CDK19: variants seen among roughly 807,000 people sequenced by gnomAD.
CDK19 encodes the protein cyclin-dependent kinase 19.
A neutral mutation model predicts 68.3 loss-of-function variants in CDK19; 20 were observed. The observed-to-expected ratio is 0.29, with a 90% CI of 0.21 to 0.43. The LOEUF is 0.43. CDK19 is among the 20% of genes least tolerant of loss of function. The probability of loss-of-function intolerance (pLI) is 1.00; values close to 1 mark genes in which losing one functional copy is unlikely to be tolerated. For missense variants in CDK19, 339 were observed against 623.5 expected, an observed-to-expected ratio of 0.54 and a Z score of 4.86; for synonymous variants, 221 against 222.8, an observed-to-expected ratio of 0.99 and a Z score of 0.07.
chr6:110,790,246 G>A (rs1781496742), intron 1 of CDK19, among the ~76,000 whole-genome samples: 2 of 151,982 alleles, frequency 1.3e-5, no homozygotes. Flanking sequence ...TAATTATATA[G>A]GTTCTTAGGC....
intron 6 of CDK19, among the ~76,000 whole-genome samples, chr6:110,629,254 T>C (rs1349020111): frequency 1.3e-5 from 2 of 152,190 alleles, no homozygotes; most frequent in Non-Finnish European, 2.9e-5. Context: ...TGCCTCATAT[T>C]AGCCTATAAT....
intron 1 of CDK19, among the ~76,000 whole-genome samples, chr6:110,777,660 G>A (rs1278950123): frequency 2.6e-5 from 4 of 152,108 alleles, no homozygotes; most frequent in Non-Finnish European, 5.9e-5. Context: ...TCAAAAGAAC[G>A]AAAAGCAGGG....
In CDK19 at chr6:110,622,108, G is replaced by T. The variant is rs1392285893; in HGVS notation, c.1090C>A (p.Pro364Thr). ...PKREFLNEDD[P>T]EEKGDKNQQQ... ...TATACCTTGTCACCTTTTTCTTCAG[G>T]ATCATCTTCATTAAGGAATTCTCGT... The change falls in exon 11 of 13, where the codon CCT becomes ACT. Residue 364 changes from proline to threonine, a missense_variant. Around this residue, in one of 4 missense-constraint regions of CDK19, gnomAD observed 155 missense variants for 222.7 expected, o/e 0.70. Transcript: ENST00000368911. 4.3e-6 allele frequency: 7 copies of T among 1,611,138 alleles called. No homozygotes were observed. Among genetic ancestry groups the T allele is most frequent in the South Asian group, 1.1e-5 (1 of 90,702 alleles).
At chr6:110,714,986 G>A (rs1355305342) in intron 2 of CDK19, among the ~76,000 whole-genome samples, 1 of 151,818 alleles carries the variant, frequency 6.6e-6, no homozygotes, top group Admixed American at 6.6e-5. Flanking sequence ...TGCCTGCCTC[G>A]GCCTCCCAAA....
chr6:110,794,969 G>A (rs961119795), intron 1 of CDK19, among the ~76,000 whole-genome samples: 4 of 151,976 alleles, frequency 2.6e-5, no homozygotes, highest in Non-Finnish European at 5.9e-5. Flanking sequence ...AAAACTTGCT[G>A]CTGTCTTGTT....
At chr6:110,813,862 T>A (rs1046759607) in intron 1 of CDK19, 1 of 152,220 alleles carries the variant, frequency 6.6e-6, no homozygotes, top group Non-Finnish European at 1.5e-5. Context: ...ATCATCACTT[T>A]ATTCAGAAAT....
In CDK19 at chr6:110,614,368, A is replaced by G. The variant is rs1778178749; in HGVS notation, c.*167T>C. The G allele has an allele frequency of 2.0e-6, 1 of 500,466 alleles. No individual in the cohort carries two copies. The highest frequency in any genetic ancestry group is 3.4e-6 in the Non-Finnish European group (1 of 291,916). The allele number at this position is 500,466 out of a possible 1,614,324, so 31.0% of individuals were successfully genotyped here. On this transcript the variant is annotated 3_prime_UTR_variant, in exon 13 of 13. Coordinates refer to ENST00000368911, the MANE Select transcript of CDK19 (RefSeq NM_015076.5). ...TCACAAGAATCTTCTTTAAGTCAAT[A>G]AAGAAGAGCTATCAGTCCTGCACAA...
At chr6:110,706,006 A>AAAT (rs530099277) in intron 2 of CDK19, among the ~76,000 whole-genome samples, 171 of 152,166 alleles carry the variant, frequency 1.1e-3, no homozygotes, top group African/African-American at 3.9e-3. Flanking sequence ...TAAAAAATAA[A>AAAT]AATAATAATA....
At chr6:110,699,296 A>T (rs888527939) in intron 2 of CDK19, among the ~76,000 whole-genome samples, 1 of 151,734 alleles carries the variant, frequency 6.6e-6, no homozygotes, top group Non-Finnish European at 1.5e-5. Flanking sequence ...GTGGTGGTGC[A>T]TGTCTGTAAT....
chr6:110,624,463 T>C (rs967993202), intron 8 of CDK19, among the ~76,000 whole-genome samples: 2 of 152,094 alleles, frequency 1.3e-5, no homozygotes, highest in Non-Finnish European at 2.9e-5. Flanking sequence ...ATAGAAAGTA[T>C]AGAAGAAAAT....
At position 110,635,125 on chromosome 6, in the gene CDK19, C is replaced by T. The variant is rs573797903; in HGVS notation, c.515-2964G>A. On this transcript the variant is annotated intron_variant, in intron 5 of 12. Transcript: ENST00000368911. ...GGTTAGTAAAATTCTGGTGTGAGTG[C>T]TAATTAGTATCAAATGAAAAGCAGC... is the stretch of plus-strand genomic sequence containing the variant. Among the ~76,000 whole-genome samples the T allele has an allele frequency of 3.3e-5, 5 of 152,126 alleles. No individual in the cohort carries two copies. The South Asian group carries it at 1.0e-3, about 32-fold the overall frequency.
At position 110,738,731 on chromosome 6, in the gene CDK19, A is replaced by G. The variant is rs556115357; in HGVS notation, c.204+7395T>C. 3.3e-5 allele frequency among the ~76,000 whole-genome samples: 5 copies of G among 152,304 alleles called. No homozygotes were observed. In the South Asian group the frequency reaches 1.0e-3, roughly 32 times the overall value. The stretch of plus-strand genomic sequence containing the variant: ...TCAGAGGAATCCTCAGCAAACATAC[A>G]TTCTATCAATTCCACTTCATAAATT... On this transcript the variant is annotated intron_variant, in intron 2 of 12. Transcript: ENST00000368911.
intron 2 of CDK19, among the ~76,000 whole-genome samples, chr6:110,729,603 A>ATTTTTT (rs35087722): frequency 1.5e-5 from 2 of 134,218 alleles, no homozygotes; most frequent in East Asian, 2.2e-4. Flanking sequence ...TAATTTTTGT[A>ATTTTTT]TTTTTTTTTT....
intron 1 of CDK19, among the ~76,000 whole-genome samples, chr6:110,751,668 G>A (rs1778485585): frequency 6.6e-6 from 1 of 152,122 alleles, no homozygotes; most frequent in Non-Finnish European, 1.5e-5. Context: ...TCCCAAAAAG[G>A]TTGGAGACCA....
At chr6:110,696,713 G>A (rs1243383691) in intron 2 of CDK19, among the ~76,000 whole-genome samples, 1 of 152,144 alleles carries the variant, frequency 6.6e-6, no homozygotes, top group Non-Finnish European at 1.5e-5. Flanking sequence ...CCTGAGGCCA[G>A]GATTTCGAGA....
At chr6:110,723,229 A>G (rs1292691256) in intron 2 of CDK19, among the ~76,000 whole-genome samples, 1 of 151,952 alleles carries the variant, frequency 6.6e-6, no homozygotes, top group Admixed American at 6.6e-5. Context: ...AGGCCACATG[A>G]AGGCAGTCTG....
intron 2 of CDK19, among the ~76,000 whole-genome samples, chr6:110,735,812 C>A (rs114459593): frequency 0.014 from 2,120 of 152,296 alleles, 53 homozygotes; most frequent in African/African-American, 0.049. Flanking sequence ...GACAGGCAAC[C>A]ACTTCCTCCT....
chr6:110,652,874 A>T (rs544102238), intron 4 of CDK19, among the ~76,000 whole-genome samples: 19 of 152,312 alleles, frequency 1.2e-4, no homozygotes, highest in Non-Finnish European at 2.4e-4. Flanking sequence ...GTAAAGTCTG[A>T]GATGAGGGCA....
rs1251637478 is a variant in CDK19 at position 110,815,150 on chromosome 6, C to T, written c.-14G>A. ...ATCATAATCCATTGTCTGCTTCCCC[C>T]ATAGAGGCACGGGACGCGGGGGCCG... On this transcript the variant is annotated 5_prime_UTR_variant, in exon 1 of 13. It removes an upstream start codon present in the reference 5' UTR. Coordinates refer to ENST00000368911, the MANE Select transcript of CDK19 (RefSeq NM_015076.5). 6.3e-7 allele frequency: 1 copy of T among 1,579,634 alleles called. No homozygotes were observed. Among genetic ancestry groups the T allele is most frequent in the Non-Finnish European group, 8.6e-7 (1 of 1,165,102 alleles).
Sources: allele counts gnomAD v4.1 joint callset (sites outside exome capture counted in the v4.1 genomes callset), GRCh38; gene constraint gnomAD v4.1.1; regional missense constraint gnomAD v4.1.1; transcripts MANE v1.5; gene names NCBI Gene and HGNC (gene_info 2026-07-23, HGNC 2026-07-21).